UGT1A6: variants seen among roughly 807,000 people sequenced by gnomAD.
UGT1A6 encodes UDP glucuronosyltransferase family 1 member A6.
In UGT1A6, 32 loss-of-function variants were observed where a neutral mutation model predicts 44.4. That is an observed-to-expected ratio of 0.72 (90% confidence interval 0.54 to 0.97). The LOEUF (loss-of-function observed/expected upper bound fraction) is 0.97. Ranked by LOEUF, UGT1A6 falls within the 50% of genes least tolerant of loss-of-function variation. UGT1A6 has a pLI of 0.00. For missense variants in UGT1A6, 685 were observed against 661.9 expected (o/e 1.03, Z -0.38); for synonymous variants, 238 against 248.5 (o/e 0.96, Z 0.40).
intron 1 of UGT1A6, chr2:233,747,238 C>T (rs1693595349): frequency 1.8e-5 from 29 of 1,603,598 alleles, no homozygotes; most frequent in Non-Finnish European, 2.5e-5. Flanking sequence ...CCAGGTTCCC[C>T]TGCTGTGGCT....
At chr2:233,721,414 A>G (rs1463398492) in intron 1 of UGT1A6, 1 of 155,730 alleles carries the variant, frequency 6.4e-6, no homozygotes, top group Non-Finnish European at 1.4e-5. Context: ...TAGGACAGGT[A>G]CCCTAAGCAT....
chr2:233,753,819 A>AG (rs1295760260), intron 1 of UGT1A6, among the ~76,000 whole-genome samples: 1 of 152,236 alleles, frequency 6.6e-6, no homozygotes, highest in African/African-American at 2.4e-5. Context: ...GAACCACGTT[A>AG]GGGCTGAAGA....
intron 1 of UGT1A6, among the ~76,000 whole-genome samples, chr2:233,727,538 C>T (rs1400378467): frequency 2.6e-5 from 4 of 152,150 alleles, no homozygotes; most frequent in African/African-American, 7.2e-5. Context: ...CAGGCGTGTT[C>T]CACCCGTCAC....
intron 1 of UGT1A6, among the ~76,000 whole-genome samples, chr2:233,705,227 T>G (rs1012532706): frequency 6.6e-6 from 1 of 152,202 alleles, no homozygotes; most frequent in Non-Finnish European, 1.5e-5. Flanking sequence ...TTATCAGTGC[T>G]TTTTTTCTGT....
At chr2:233,717,803 A>G (rs1343545824) in intron 1 of UGT1A6, 2 of 456,012 alleles carry the variant, frequency 4.4e-6, no homozygotes, top group South Asian at 3.1e-5. Flanking sequence ...TAGTGCCCCC[A>G]CAAATTATGC....
At chr2:233,694,584 A>G (rs2075227609) in intron 1 of UGT1A6, among the ~76,000 whole-genome samples, 1 of 152,218 alleles carries the variant, frequency 6.6e-6, no homozygotes, top group Non-Finnish European at 1.5e-5. Context: ...GTAAATATTT[A>G]CAACTTTGAA....
At chr2:233,737,834 G>C (rs1690605119) in intron 1 of UGT1A6, among the ~76,000 whole-genome samples, 1 of 151,982 alleles carries the variant, frequency 6.6e-6, no homozygotes, top group Admixed American at 6.5e-5. Context: ...ATTGGGAACT[G>C]TGGCACAGGT....
rs4148323 is a variant in UGT1A6, at chr2:233,760,498, G to A, written c.862-6536G>A. The A allele has an allele frequency of 9.2e-3, 14,886 of 1,614,236 alleles. 811 individuals carry two copies. The East Asian group carries it at 0.16, about 18-fold the overall frequency. On this transcript the variant is annotated intron_variant, in intron 1 of 4. Coordinates refer to ENST00000305139, the MANE Select transcript of UGT1A6 (RefSeq NM_001072.4). Reference sequence around the variant, plus strand: ...TGACGCCTCGTTGTACATCAGAGACGGAGCATTTTACACCTTGAAGACGTA... The same window carrying A: ...TGACGCCTCGTTGTACATCAGAGACAGAGCATTTTACACCTTGAAGACGTA...
At position 233,693,640 on chromosome 2, in the gene UGT1A6, C is replaced by T. The variant is rs2075172238; in HGVS notation, c.636C>T (p.Phe212=). ...HMTFSQRVAN[F]LVNLLEPYLF... ...CTTTTTCCCAACGAGTGGCCAACTT[C>T]CTTGTTAATTTGTTGGAGCCCTATC... The change falls in exon 1 of 5, where the codon TTC becomes TTT. Residue 212 remains phenylalanine, a synonymous_variant. Transcript: ENST00000305139. 6.2e-7 allele frequency: 1 copy of T among 1,614,182 alleles called. No homozygotes were observed. The highest frequency in any genetic ancestry group is 8.5e-7 in the Non-Finnish European group (1 of 1,180,042).
At chr2:233,715,615 T>C (rs1446871152) in intron 1 of UGT1A6, among the ~76,000 whole-genome samples, 1 of 151,806 alleles carries the variant, frequency 6.6e-6, no homozygotes, top group Non-Finnish European at 1.5e-5. Flanking sequence ...CTACAAAAAA[T>C]TAAAAAATTA....
intron 1 of UGT1A6, among the ~76,000 whole-genome samples, chr2:233,714,731 C>T (rs1234277982): frequency 6.6e-6 from 1 of 152,142 alleles, no homozygotes; most frequent in Non-Finnish European, 1.5e-5. Context: ...GTTAAGTCTT[C>T]AAAATCTAGC....
At chr2:233,770,514 C>G (rs191930447) in intron 4 of UGT1A6, 1 of 152,018 alleles carries the variant, frequency 6.6e-6, no homozygotes, top group Non-Finnish European at 1.5e-5. Flanking sequence ...AAAAATTACC[C>G]AGGCATGGTG....
At chr2:233,746,254 A>G (rs184175169) in intron 1 of UGT1A6, among the ~76,000 whole-genome samples, 17 of 151,944 alleles carry the variant, frequency 1.1e-4, no homozygotes, top group Non-Finnish European at 1.5e-4. Context: ...ACAAGGCAGA[A>G]CAGAACAAAA....
intron 1 of UGT1A6, among the ~76,000 whole-genome samples, chr2:233,765,676 A>T (rs544202607): frequency 2.0e-5 from 3 of 151,708 alleles, no homozygotes; most frequent in Non-Finnish European, 4.4e-5. Flanking sequence ...TGGCATATGT[A>T]TCCCAGAACT....
At chr2:233,755,183 C>G (rs564578980) in intron 1 of UGT1A6, 175 of 1,199,670 alleles carry the variant, frequency 1.5e-4, no homozygotes, top group Middle Eastern at 2.2e-4. Context: ...CGGGGTGCCA[C>G]TTGAGCGCCA....
At chr2:233,730,261 T>C (rs1457802984) in intron 1 of UGT1A6, among the ~76,000 whole-genome samples, 1 of 152,074 alleles carries the variant, frequency 6.6e-6, no homozygotes, top group East Asian at 1.9e-4. Context: ...ATAGAGACTG[T>C]TGGTTTGTAA....
chr2:233,713,202 GA>G, intron 1 of UGT1A6: 1 of 1,614,240 alleles, frequency 6.2e-7, no homozygotes, highest in Non-Finnish European at 8.5e-7. Context: ...GTACATCAAA[GA>G]AGAGAACTTT....
At chr2:233,705,008 C>T (rs750205782) in intron 1 of UGT1A6, among the ~76,000 whole-genome samples, 15 of 151,968 alleles carry the variant, frequency 9.9e-5, no homozygotes, top group African/African-American at 1.7e-4. Context: ...TGGTGGCAGG[C>T]GCCTGTAATC....
upstream of UGT1A6, among the ~76,000 whole-genome samples, chr2:233,692,510 T>C (rs1457280263): frequency 1.3e-5 from 2 of 152,160 alleles, no homozygotes; most frequent in Non-Finnish European, 2.9e-5. Context: ...CCTTAACCTG[T>C]GGGGTCCGTG....
Sources: gnomAD v4.1 joint callset for allele counts (sites outside exome capture counted in the v4.1 genomes callset) on GRCh38, gnomAD v4.1.1 for gene constraint, MANE v1.5 for transcripts, NCBI Gene and HGNC (gene_info 2026-07-23, HGNC 2026-07-21) for gene names.